UNC13C: variants seen among roughly 807,000 people sequenced by gnomAD.
The protein encoded by UNC13C is protein unc-13 homolog C.
Under a neutral mutation model 245.4 loss-of-function variants are expected in UNC13C, and 174 were observed. The ratio of observed to expected loss-of-function variants is 0.71; its 90% CI spans 0.63 to 0.80. The LOEUF is 0.80. Ranked by LOEUF, UNC13C falls within the 30% of genes least tolerant of loss-of-function variation. UNC13C has a pLI of 0.00. For missense variants in UNC13C, 2,829 were observed against 2,602.9 expected, an observed-to-expected ratio of 1.09 and a Z score of -1.89; for synonymous variants, 992 against 895.1, an observed-to-expected ratio of 1.11 and a Z score of -1.93.
intron 30 of UNC13C, among the ~76,000 whole-genome samples, chr15:54,614,661 A>G (rs1161531969): frequency 6.6e-6 from 1 of 151,980 alleles, no homozygotes; most frequent in Non-Finnish European, 1.5e-5. Context: ...CTCCCTCATA[A>G]CTAGGTATTG....
intron 4 of UNC13C, among the ~76,000 whole-genome samples, chr15:54,221,011 G>A (rs1482203925): frequency 6.6e-6 from 1 of 152,016 alleles, no homozygotes; most frequent in Non-Finnish European, 1.5e-5. Flanking sequence ...CGTCCCACAC[G>A]TTGACAATTC....
At chr15:53,928,974 G>GT in the UNC13C span, among the ~76,000 whole-genome samples, 1 of 152,198 alleles carries the variant, frequency 6.6e-6, no homozygotes, top group Non-Finnish European at 1.5e-5. Flanking sequence ...ATCATACTTA[G>GT]TGTTTGCTGG....
At chr15:54,455,205 C>CTCTCTCTATATATATATATA (rs1388065398) in intron 19 of UNC13C, among the ~76,000 whole-genome samples, 1 of 18,962 alleles carries the variant, frequency 5.3e-5, no homozygotes, top group African/African-American at 1.9e-4. Context: ...CTCTCTCTCT[C>CTCTCTCTATATATATATATA]TATATATATA....
intron 17 of UNC13C, among the ~76,000 whole-genome samples, chr15:54,376,687 A>G (rs1291671122): frequency 6.6e-6 from 1 of 152,200 alleles, no homozygotes; most frequent in Admixed American, 6.5e-5. Flanking sequence ...GACATAAAGA[A>G]CAAAGAAAAG....
chr15:54,111,546 C>T (rs1179578859), intron 2 of UNC13C, among the ~76,000 whole-genome samples: 1 of 152,144 alleles, frequency 6.6e-6, no homozygotes, highest in Non-Finnish European at 1.5e-5. Context: ...AACCACAGGG[C>T]CTCTCAGAAA....
At chr15:54,333,902 C>T (rs2038505416) in intron 16 of UNC13C, 46 bp downstream of exon 16, 2 of 1,378,616 alleles carry the variant, frequency 1.5e-6, no homozygotes, top group Non-Finnish European at 2.0e-6. Flanking sequence ...ACATAGAATA[C>T]ATTCATCCCC....
chr15:54,149,965 A>G (rs1367452037), intron 4 of UNC13C, among the ~76,000 whole-genome samples: 3 of 152,218 alleles, frequency 2.0e-5, no homozygotes, highest in Non-Finnish European at 2.9e-5. Flanking sequence ...CATTTTATAT[A>G]AGGCAGTTGA....
chr15:53,939,919 G>C, the UNC13C span, among the ~76,000 whole-genome samples: 1 of 152,112 alleles, frequency 6.6e-6, no homozygotes, highest in Non-Finnish European at 1.5e-5. Context: ...AAGATGATGG[G>C]TTTATATTGG....
At chr15:54,344,498 G>A (rs1006819971) in intron 17 of UNC13C, among the ~76,000 whole-genome samples, 2 of 152,010 alleles carry the variant, frequency 1.3e-5, no homozygotes, top group African/African-American at 4.8e-5. Context: ...GTCAATGTAG[G>A]GAATGCTTGG....
chr15:53,839,623 C>A, the UNC13C span, among the ~76,000 whole-genome samples: 1 of 151,982 alleles, frequency 6.6e-6, no homozygotes, highest in African/African-American at 2.4e-5. Flanking sequence ...GTGACAGTCT[C>A]TGTTTTTTAA....
the UNC13C span, among the ~76,000 whole-genome samples, chr15:53,907,487 A>G: frequency 6.6e-6 from 1 of 152,228 alleles, no homozygotes; most frequent in Non-Finnish European, 1.5e-5. Context: ...CCAGATGGGA[A>G]GAGCTCTTCT....
chr15:54,099,293 G>T (rs1404693622), intron 2 of UNC13C, among the ~76,000 whole-genome samples: 1 of 152,064 alleles, frequency 6.6e-6, no homozygotes, highest in Admixed American at 6.5e-5. Context: ...TTTCTCCCAT[G>T]GAAAAAGCCA....
intron 28 of UNC13C, among the ~76,000 whole-genome samples, 192 bp downstream of exon 28, chr15:54,549,883 GA>G (rs1292872776): frequency 6.6e-6 from 1 of 152,120 alleles, no homozygotes; most frequent in Admixed American, 6.6e-5. Context: ...GATTAAATTA[GA>G]GAGCATATTT....
chr15:54,310,758 CTATATCTATATCTATATCTATATA>C (rs2037848322), intron 13 of UNC13C, among the ~76,000 whole-genome samples: 1 of 123,394 alleles, frequency 8.1e-6, no homozygotes, highest in Non-Finnish European at 1.9e-5. Flanking sequence ...ATATCTATAT[CTATATCTATATCTATATCTATATA>C]TATGTACATA....
At chr15:54,281,371 A>G (rs1368499141) in intron 10 of UNC13C, among the ~76,000 whole-genome samples, 1 of 152,216 alleles carries the variant, frequency 6.6e-6, no homozygotes, top group Non-Finnish European at 1.5e-5. Flanking sequence ...CACAAATGCT[A>G]AGATCTTTCA....
intron 1 of UNC13C, among the ~76,000 whole-genome samples, chr15:53,995,664 G>A (rs531961546): frequency 6.6e-6 from 1 of 152,270 alleles, no homozygotes; most frequent in East Asian, 1.9e-4. Flanking sequence ...GATAGAAGTA[G>A]CTGTGGTCAG....
chr15:54,326,757 A>C (rs2140987331), intron 14 of UNC13C, among the ~76,000 whole-genome samples: 1 of 152,118 alleles, frequency 6.6e-6, no homozygotes, highest in Middle Eastern at 3.4e-3. Context: ...GGGAAGTCTC[A>C]GGTCCAAAAG....
chr15:53,919,164 T>G, the UNC13C span, among the ~76,000 whole-genome samples: 2 of 152,204 alleles, frequency 1.3e-5, no homozygotes, highest in Non-Finnish European at 2.9e-5. Context: ...GTTTCTGACT[T>G]AGAACACCTA....
At chr15:53,893,342 C>G in the UNC13C span, among the ~76,000 whole-genome samples, 140 of 152,312 alleles carry the variant, frequency 9.2e-4, no homozygotes, top group Non-Finnish European at 1.7e-3. Context: ...CAGGGACCCA[C>G]TTGAGGAGGC....
Sources: gnomAD v4.1 joint callset for allele counts (sites outside exome capture counted in the v4.1 genomes callset) on GRCh38, gnomAD v4.1.1 for gene constraint, MANE v1.5 for transcripts, NCBI Gene and HGNC (gene_info 2026-07-23, HGNC 2026-07-21) for gene names.